Variants in WDR25 observed in about 807,000 individuals in gnomAD.
The protein encoded by WDR25 is WD repeat domain 25, also known as WD repeat-containing protein 25.
In WDR25, 35 loss-of-function variants were observed where a neutral mutation model predicts 47.7. The observed-to-expected ratio is 0.73, with a 90% CI of 0.56 to 0.97. The LOEUF (loss-of-function observed/expected upper bound fraction) is 0.97, where lower values mean the gene tolerates loss of function less well. Among genes scored for constraint, WDR25 ranks in the 50% least tolerant of loss-of-function variants. The pLI, the probability that WDR25 is intolerant of heterozygous loss-of-function variation, is 0.00. For missense variants in WDR25, 634 were observed against 704.7 expected (o/e 0.90, Z 1.14); for synonymous variants, 248 against 278.9 (o/e 0.89, Z 1.10).
intron 2 of WDR25, among the ~76,000 whole-genome samples, chr14:100,432,105 C>T (rs1205940605): frequency 1.3e-5 from 2 of 152,144 alleles, no homozygotes; most frequent in Non-Finnish European, 2.9e-5. Flanking sequence ...TTGTACATCC[C>T]AGTTTCAGCA....
chr14:100,484,194 C>A, intron 4 of WDR25, 70 bp downstream of exon 4: 1 of 1,545,392 alleles, frequency 6.5e-7, no homozygotes. Flanking sequence ...TAATTGGGGG[C>A]AGGTCAGCAT....
chr14:100,456,207 C>T (rs928860586), intron 2 of WDR25, among the ~76,000 whole-genome samples: 1 of 152,086 alleles, frequency 6.6e-6, no homozygotes, highest in Non-Finnish European at 1.5e-5. Flanking sequence ...ATTAGGTAGG[C>T]ATGGTGACAT....
At chr14:100,409,226 T>G (rs1240622652) in intron 2 of WDR25, among the ~76,000 whole-genome samples, 1 of 152,230 alleles carries the variant, frequency 6.6e-6, no homozygotes, top group African/African-American at 2.4e-5. Context: ...GTGATCCGGC[T>G]CCAGCCTCTC....
chr14:100,429,094 C>G (rs1233632617), intron 2 of WDR25, among the ~76,000 whole-genome samples: 1 of 152,210 alleles, frequency 6.6e-6, no homozygotes, highest in East Asian at 1.9e-4. Context: ...CCATTTGGCA[C>G]TTTGTGTTTT....
intron 2 of WDR25, among the ~76,000 whole-genome samples, chr14:100,408,277 C>G (rs899891416): frequency 1.4e-4 from 21 of 152,144 alleles, no homozygotes; most frequent in African/African-American, 4.6e-4. Flanking sequence ...GATTACTCTC[C>G]CACTGCTCCC....
rs994100775 is a variant in WDR25 at position 100,449,175 on chromosome 14, T to C, written c.823-18846T>C. Among the ~76,000 whole-genome samples the C allele has an allele frequency of 1.3e-5, 2 of 152,238 alleles. No homozygotes were observed. Among genetic ancestry groups the C allele is most frequent in the African/African-American group, 4.8e-5 (2 of 41,470 alleles). On this transcript the variant is annotated intron_variant, in intron 2 of 6. Transcript: ENST00000402312. This position sits in a 1 kb window ranked among gnomAD's most constrained non-coding sequence, Gnocchi z 4.2. ...AGAAGGCTCGGAGAGCATCCTTTACTGGGCTTCTGGATGGAATTTTTGGAG... is the reference window on the plus strand; with the variant it reads ...AGAAGGCTCGGAGAGCATCCTTTACCGGGCTTCTGGATGGAATTTTTGGAG...
chr14:100,511,328 C>T (rs1437315846), intron 4 of WDR25, among the ~76,000 whole-genome samples: 1 of 152,138 alleles, frequency 6.6e-6, no homozygotes, highest in Non-Finnish European at 1.5e-5. Context: ...TCTGGTTGCT[C>T]ATGGTTAGTA....
chr14:100,529,063 C>T lies in WDR25; in HGVS notation c.1273-5C>T, dbSNP rs545860664. ...CTGACCCATTTGTGGCTCTGCTGTT[C>T]TCAGGAGAGGTTCACCTGCCCCAGC... On this transcript the variant is annotated splice_region_variant and splice_polypyrimidine_tract_variant and intron_variant, in intron 5 of 6. Coordinates refer to ENST00000402312, the MANE Select transcript of WDR25 (RefSeq NM_001161476.3). This position sits in a 1 kb window ranked among gnomAD's most constrained non-coding sequence, Gnocchi z 5.1. The T allele has an allele frequency of 5.2e-5, 80 of 1,539,430 alleles. No individual in the cohort carries two copies. The South Asian group carries it at 9.0e-4, about 17-fold the overall frequency.
intron 2 of WDR25, among the ~76,000 whole-genome samples, chr14:100,420,385 G>A (rs1040966834): frequency 6.6e-6 from 1 of 152,076 alleles, no homozygotes; most frequent in African/African-American, 2.4e-5. Context: ...CAGTATCCCT[G>A]TTTTTACAGC....
intron 2 of WDR25, among the ~76,000 whole-genome samples, chr14:100,445,567 C>G (rs543720656): frequency 1.3e-5 from 2 of 152,308 alleles, no homozygotes; most frequent in African/African-American, 4.8e-5. Flanking sequence ...GAAAGACCTG[C>G]TGCAGCCATG....
chr14:100,432,233 A>G (rs1373418779), intron 2 of WDR25, among the ~76,000 whole-genome samples: 6 of 152,266 alleles, frequency 3.9e-5, no homozygotes, highest in African/African-American at 1.4e-4. Flanking sequence ...TTGAAAAGAA[A>G]GAAAATAAAC....
At chr14:100,495,832 C>T (rs2140339076) in intron 4 of WDR25, among the ~76,000 whole-genome samples, 1 of 152,276 alleles carries the variant, frequency 6.6e-6, no homozygotes, top group African/African-American at 2.4e-5. Context: ...AATAATATTC[C>T]ATTGTATGGA....
rs2030364605 is a variant in WDR25, at chr14:100,529,405, A to G, written c.1413+197A>G. On this transcript the variant is annotated intron_variant, in intron 6 of 6. Coordinates refer to ENST00000402312, the MANE Select transcript of WDR25 (RefSeq NM_001161476.3). The surrounding 1 kb of genome is among the most constrained non-coding windows in gnomAD (Gnocchi z 5.1). Reference sequence around the variant, plus strand: ...ACATCTGGTCCTCACCCCAGGCCCCACGTACTGGGCAGGAAGCAGTAGTTG... The same window carrying G: ...ACATCTGGTCCTCACCCCAGGCCCCGCGTACTGGGCAGGAAGCAGTAGTTG... 1 of 793,258 alleles carries G rather than the reference A, an allele frequency of 1.3e-6. No homozygotes were observed. Among genetic ancestry groups the G allele is most frequent in the African/African-American group, 1.7e-5 (1 of 57,520 alleles). The allele number at this position is 793,258 out of a possible 1,614,324, so 49.1% of individuals were successfully genotyped here. A position where few individuals can be genotyped will look rare whatever the true frequency, so the allele number is the denominator to read the frequency against.
rs147657099 is a variant in WDR25 at position 100,391,187 on chromosome 14, T to G, written c.822+9441T>G. Among the ~76,000 whole-genome samples the G allele has an allele frequency of 7.7e-3, 1,173 of 152,310 alleles. 4 individuals carry two copies. Among genetic ancestry groups the G allele is most frequent in the Non-Finnish European group, 0.013 (852 of 68,032 alleles). ...GGCCCTTTCCCTTTGTAATTGTCCA[T>G]GGCTCTAGAGCATGGCATGTCCTCC... On this transcript the variant is annotated intron_variant, in intron 2 of 6. Coordinates refer to ENST00000402312, the MANE Select transcript of WDR25 (RefSeq NM_001161476.3).
At chr14:100,431,604 T>C (rs1898337705) in intron 2 of WDR25, among the ~76,000 whole-genome samples, 1 of 151,754 alleles carries the variant, frequency 6.6e-6, no homozygotes, top group South Asian at 2.1e-4. Flanking sequence ...TGGAGTGCAA[T>C]GGGACGATCT....
In WDR25 at chr14:100,523,425, G is replaced by T. The variant is rs182682390; in HGVS notation, c.1102-2445G>T. 3.3e-5 allele frequency among the ~76,000 whole-genome samples: 5 copies of T among 152,336 alleles called. No individual in the cohort carries two copies. Among genetic ancestry groups the T allele is most frequent in the Admixed American group, 6.5e-5 (1 of 15,310 alleles). On this transcript the variant is annotated intron_variant, in intron 4 of 6. Coordinates refer to ENST00000402312, the MANE Select transcript of WDR25 (RefSeq NM_001161476.3). The surrounding 1 kb of genome is among the most constrained non-coding windows in gnomAD (Gnocchi z 4.7). ...AGAGGACTGGCAGCATGGGGTGAGG[G>T]ATAGCTGGGTGCATCCGCCAGTCCT...
At chr14:100,452,705 G>T (rs1566916659) in intron 2 of WDR25, among the ~76,000 whole-genome samples, 1 of 152,250 alleles carries the variant, frequency 6.6e-6, no homozygotes, top group Non-Finnish European at 1.5e-5. Flanking sequence ...GGGGTGGGGG[G>T]CTATAACTCG....
chr14:100,526,081 A>C (rs1321038644), intron 5 of WDR25, 41 bp downstream of exon 5: 2 of 1,608,606 alleles, frequency 1.2e-6, no homozygotes, highest in East Asian at 4.5e-5. Flanking sequence ...TTTCAGCCAC[A>C]GAGCGTATCC....
In WDR25 at chr14:100,381,437, C is replaced by CT; in HGVS notation, c.514dup (p.Cys172LeufsTer24). On this transcript the variant is annotated frameshift_variant, in exon 2 of 7. Coordinates refer to ENST00000402312, the MANE Select transcript of WDR25 (RefSeq NM_001161476.3). LOFTEE classifies it high-confidence loss of function. Reference sequence around the variant, plus strand: ...CTTTTCAGAAGAAAAAATGTGAGGACTGTGTGGTACCCTATACTCCCAGAA... The same window carrying CT: ...CTTTTCAGAAGAAAAAATGTGAGGACTTGTGTGGTACCCTATACTCCCAGAA... 6.2e-7 allele frequency: 1 copy of CT among 1,614,192 alleles called. No homozygotes were observed. Among genetic ancestry groups the CT allele is most frequent in the African/African-American group, 1.3e-5 (1 of 75,048 alleles).
Sources: gnomAD v4.1 joint callset for allele counts (sites outside exome capture counted in the v4.1 genomes callset) on GRCh38, gnomAD v4.1.1 for gene constraint, Gnocchi (gnomAD v3.1) non-coding constraint, MANE v1.5 for transcripts, NCBI Gene and HGNC (gene_info 2026-07-23, HGNC 2026-07-21) for gene names.